The following TMEM255B variants were observed in gnomAD, a reference collection of about 807,000 sequenced individuals.
TMEM255B encodes the protein transmembrane protein 255B.
In TMEM255B, 35 loss-of-function variants were observed where a neutral mutation model predicts 34.5. The ratio of observed to expected loss-of-function variants is 1.01; its 90% CI spans 0.77 to 1.34. The LOEUF (loss-of-function observed/expected upper bound fraction) is 1.34, where lower values mean the gene tolerates loss of function less well. Among genes scored for constraint, TMEM255B ranks in the 40% most tolerant of loss-of-function variants. The probability of loss-of-function intolerance (pLI) is 0.00; values close to 1 mark genes in which losing one functional copy is unlikely to be tolerated. For synonymous variants in TMEM255B, 206 were observed against 201.2 expected, an observed-to-expected ratio of 1.02 and a Z score of -0.20; for missense variants, 432 against 433.2, an observed-to-expected ratio of 1.00 and a Z score of 0.02.
At chr13:113,789,599 A>G (rs561594649) in intron 3 of TMEM255B, among the ~76,000 whole-genome samples, 1 of 152,220 alleles carries the variant, frequency 6.6e-6, no homozygotes, top group African/African-American at 2.4e-5. Context: ...GGCCATTCCC[A>G]ATGTCTTTCC....
At chr13:113,808,565 C>G (rs572462252) in intron 8 of TMEM255B, among the ~76,000 whole-genome samples, 1 of 149,114 alleles carries the variant, frequency 6.7e-6, no homozygotes, top group Admixed American at 6.7e-5. Context: ...CTCCATGGTT[C>G]CTGGGGTGTT....
At chr13:113,774,979 T>TCACACACACCACACAC (rs2050546829) in intron 3 of TMEM255B, among the ~76,000 whole-genome samples, 1 of 87,952 alleles carries the variant, frequency 1.1e-5, no homozygotes, top group Non-Finnish European at 2.4e-5. Flanking sequence ...ACAATGCACA[T>TCACACACACCACACAC]CACACACACC....
intron 7 of TMEM255B, chr13:113,803,138 G>A (rs909713120): frequency 4.1e-5 from 6 of 147,732 alleles, no homozygotes; most frequent in African/African-American, 1.5e-4. Flanking sequence ...AGGGTTTTCC[G>A]GAAGGGGCTC....
intron 5 of TMEM255B, 134 bp from the exon 6 acceptor site, chr13:113,800,693 G>A (rs1021823806): frequency 1.8e-5 from 14 of 782,154 alleles, no homozygotes; most frequent in Admixed American, 4.4e-5. Context: ...GGAGTCGGGG[G>A]AAAGTCGGGG....
At chr13:113,787,292 T>C (rs962053459) in intron 3 of TMEM255B, among the ~76,000 whole-genome samples, 2 of 152,208 alleles carry the variant, frequency 1.3e-5, no homozygotes, top group African/African-American at 2.4e-5. Flanking sequence ...TTATTAGCAT[T>C]TGAAAAACAT....
rs374717495 is a variant in TMEM255B, at chr13:113,795,214, G to A, written c.319G>A (p.Gly107Ser). 1.6e-5 allele frequency: 26 copies of A among 1,613,696 alleles called. No homozygotes were observed. Among genetic ancestry groups the A allele is most frequent in the African/African-American group, 8.0e-5 (6 of 74,918 alleles). Residue 107 changes from glycine (G) to serine (S), a missense_variant, in exon 4 of 9, where the codon GGC (glycine) becomes AGC (serine). Coordinates refer to ENST00000375353, the MANE Select transcript of TMEM255B (RefSeq NM_182614.4). ...CGCCTTCTGCTGCGCCATCGTGGAC[G>A]GCGTATTTGCAGCACAGCACATTGT... Reference protein sequence around the residue: ...VAAFCCAIVDGVFAAQHIEPR... With the variant: ...VAAFCCAIVDSVFAAQHIEPR...
chr13:113,780,105 G>C (rs2050643975), intron 3 of TMEM255B, among the ~76,000 whole-genome samples: 1 of 152,186 alleles, frequency 6.6e-6, no homozygotes, highest in Non-Finnish European at 1.5e-5. Context: ...CCTATGAGTT[G>C]GGTGAATTCC....
chr13:113,763,052 G>T (rs557373199), intron 1 of TMEM255B, among the ~76,000 whole-genome samples: 1 of 152,334 alleles, frequency 6.6e-6, no homozygotes, highest in South Asian at 2.1e-4. Context: ...AAGCAGGAAA[G>T]GCTGAAGCGG....
At chr13:113,799,559 G>A (rs374031069) in intron 5 of TMEM255B, 140 bp downstream of exon 5, 11 of 737,010 alleles carry the variant, frequency 1.5e-5, no homozygotes, top group Middle Eastern at 2.8e-4. Context: ...CTGGTGAACC[G>A]TTGATGCCCC....
At chr13:113,794,225 T>C (rs1461855344) in intron 3 of TMEM255B, among the ~76,000 whole-genome samples, 1 of 152,048 alleles carries the variant, frequency 6.6e-6, no homozygotes, top group Non-Finnish European at 1.5e-5. Flanking sequence ...TTTGCAAGTG[T>C]GAGGAGGAGA....
chr13:113,767,884 A>T (rs1278805764), intron 2 of TMEM255B, among the ~76,000 whole-genome samples: 1 of 152,210 alleles, frequency 6.6e-6, no homozygotes, highest in Non-Finnish European at 1.5e-5. Context: ...ATGTATATCG[A>T]AGTGAAATTT....
chr13:113,790,354 G>A (rs563575273), intron 3 of TMEM255B, among the ~76,000 whole-genome samples: 2 of 109,108 alleles, frequency 1.8e-5, no homozygotes, highest in African/African-American at 5.9e-5. Context: ...AGACATCCTA[G>A]CACTGAACTG....
At chr13:113,796,174 C>G (rs545304986) in intron 4 of TMEM255B, among the ~76,000 whole-genome samples, 7 of 142,820 alleles carry the variant, frequency 4.9e-5, no homozygotes, top group East Asian at 4.3e-4. Context: ...ATAGCACACA[C>G]CACACAACAC....
At chr13:113,761,855 C>T (rs1489049231) in intron 1 of TMEM255B, among the ~76,000 whole-genome samples, 5 of 152,224 alleles carry the variant, frequency 3.3e-5, no homozygotes, top group East Asian at 1.9e-4. Context: ...ATCTGAGCCC[C>T]GGGAACCGGC....
chr13:113,795,085 G>T (rs2050896711), intron 3 of TMEM255B, 63 bp from the exon 4 acceptor site: 1 of 1,492,118 alleles, frequency 6.7e-7, no homozygotes. Flanking sequence ...ACTTTGAATT[G>T]GTTTGCGTTT....
rs141603533 is a variant in TMEM255B at position 113,793,301 on chromosome 13, C to T, written c.253-1847C>T. 2.9e-3 allele frequency among the ~76,000 whole-genome samples: 447 copies of T among 152,374 alleles called. 5 individuals carry two copies. The highest frequency in any genetic ancestry group is 0.01 in the African/African-American group (425 of 41,590). On this transcript the variant is annotated intron_variant, in intron 3 of 8. Coordinates refer to ENST00000375353, the MANE Select transcript of TMEM255B (RefSeq NM_182614.4). The stretch of plus-strand genomic sequence containing the variant: ...CGGACTTTGTTCAGACCTACCTCTT[C>T]TCGTAAACCTAAAGTATGTATTTTG...
chr13:113,776,379 A>G (rs1439061529), intron 3 of TMEM255B, among the ~76,000 whole-genome samples: 1 of 152,114 alleles, frequency 6.6e-6, no homozygotes, highest in East Asian at 1.9e-4. Context: ...CCTGCCACTC[A>G]GGGGCTGACT....
intron 5 of TMEM255B, chr13:113,800,077 TGTTTATGTGTGTGTGTGTGG>T (rs1159208497): frequency 1.7e-6 from 2 of 1,187,670 alleles, no homozygotes; most frequent in South Asian, 1.5e-5. Context: ...TGTGTGTGTG[TGTTTATGTGTGTGTGTGTGG>T]GGGGGGGTAG....
chr13:113,806,330 C>T lies in TMEM255B; in HGVS notation c.813+1302C>T, dbSNP rs58981006. ...GCCTGTGGGGCTGCTGGGGGTCCCT[C>T]GCGTTCAGGGCCTGCTTGGGTCAGC... On this transcript the variant is annotated intron_variant, in intron 8 of 8. Transcript: ENST00000375353. The surrounding 1 kb of genome is among the most constrained non-coding windows in gnomAD (Gnocchi z 4.2). Among the ~76,000 whole-genome samples, 1,427 of 152,184 alleles carry T rather than the reference C, an allele frequency of 9.4e-3. 20 individuals are homozygous for T. Among genetic ancestry groups the T allele is most frequent in the African/African-American group, 0.033 (1,383 of 41,524 alleles).
Sources: gnomAD v4.1 joint callset for allele counts (sites outside exome capture counted in the v4.1 genomes callset) on GRCh38, gnomAD v4.1.1 for gene constraint, Gnocchi (gnomAD v3.1) non-coding constraint, MANE v1.5 for transcripts, NCBI Gene and HGNC (gene_info 2026-07-23, HGNC 2026-07-21) for gene names.